ZNF609: variants seen among roughly 807,000 people sequenced by gnomAD.
ZNF609 encodes zinc finger protein 609.
Under a neutral mutation model 109.5 loss-of-function variants are expected in ZNF609, and 11 were observed. The observed-to-expected ratio is 0.10, with a 90% CI of 0.06 to 0.17. ZNF609 has a LOEUF of 0.17. Among genes scored for constraint, ZNF609 ranks in the 10% least tolerant of loss-of-function variants. ZNF609 has a pLI of 1.00. For missense variants in ZNF609, 1,559 were observed against 1,772.4 expected, an observed-to-expected ratio of 0.88 and a Z score of 2.16; for synonymous variants, 646 against 662.0, an observed-to-expected ratio of 0.98 and a Z score of 0.37.
chr15:64,629,728 C>T (rs982332334), intron 3 of ZNF609, among the ~76,000 whole-genome samples: 29 of 152,248 alleles, frequency 1.9e-4, no homozygotes, highest in Non-Finnish European at 3.4e-4. Flanking sequence ...TACTTCCCCG[C>T]ACAAAATAGG....
intron 2 of ZNF609, among the ~76,000 whole-genome samples, chr15:64,573,415 C>T (rs967264172): frequency 2.0e-4 from 24 of 119,350 alleles, no homozygotes; most frequent in African/African-American, 6.6e-4. Flanking sequence ...AGTGCAGTGG[C>T]GCAATCTTGG....
At chr15:64,550,697 G>C (rs1304687072) in intron 2 of ZNF609, among the ~76,000 whole-genome samples, 1 of 152,038 alleles carries the variant, frequency 6.6e-6, no homozygotes, top group Non-Finnish European at 1.5e-5. Flanking sequence ...TTAGCTGGGT[G>C]TGGTGGCACA....
At position 64,674,204 on chromosome 15, in the gene ZNF609, G is replaced by T; in HGVS notation, c.1350G>T (p.Leu450=). Residue 450 remains leucine (L), a synonymous_variant, in exon 5 of 10, where the codon CTG becomes CTT. Transcript: ENST00000326648. ...ACAAACCCCTTTCAGACATGGAGCT[G>T]AATTCTAGCTCAGAGGACTCCAAAG... is the stretch of plus-strand genomic sequence containing the variant. ...RKNKPLSDME[L]NSSSEDSKGS... The T allele has an allele frequency of 6.2e-7, 1 of 1,614,180 alleles. No individual in the cohort carries two copies. Among genetic ancestry groups the T allele is most frequent in the Non-Finnish European group, 8.5e-7 (1 of 1,180,032 alleles).
At chr15:64,470,762 C>A (rs572358605) in intron 1 of ZNF609, among the ~76,000 whole-genome samples, 31 of 152,226 alleles carry the variant, frequency 2.0e-4, no homozygotes, top group African/African-American at 7.5e-4. Flanking sequence ...CCTCATGATC[C>A]ACCCGCCTTG....
At chr15:64,510,025 A>C (rs1893697495) in intron 2 of ZNF609, among the ~76,000 whole-genome samples, 1 of 152,230 alleles carries the variant, frequency 6.6e-6, no homozygotes, top group Non-Finnish European at 1.5e-5. Flanking sequence ...AATTCCAGAG[A>C]TAAATAAATC....
chr15:64,491,110 C>T (rs1893406757), intron 1 of ZNF609, among the ~76,000 whole-genome samples: 1 of 152,144 alleles, frequency 6.6e-6, no homozygotes, highest in African/African-American at 2.4e-5. Flanking sequence ...GAGGAGATGA[C>T]ACAGTTCCTT....
chr15:64,583,840 T>C (rs920683725), intron 2 of ZNF609, among the ~76,000 whole-genome samples: 1 of 152,168 alleles, frequency 6.6e-6, no homozygotes, highest in Non-Finnish European at 1.5e-5. Flanking sequence ...AACCCTACGC[T>C]CTTTTCAGAG....
At chr15:64,518,193 G>A (rs1468383755) in intron 2 of ZNF609, among the ~76,000 whole-genome samples, 2 of 152,200 alleles carry the variant, frequency 1.3e-5, no homozygotes, top group Admixed American at 1.3e-4. Flanking sequence ...CCAGAGTATA[G>A]TGTAGGATCA....
At chr15:64,616,927 G>T (rs1178945693) in intron 2 of ZNF609, among the ~76,000 whole-genome samples, 12 of 140,848 alleles carry the variant, frequency 8.5e-5, no homozygotes, top group African/African-American at 2.9e-4. Flanking sequence ...TCATGCCTCA[G>T]TCTCCCAAGT....
At chr15:64,570,918 C>T (rs892518203) in intron 2 of ZNF609, among the ~76,000 whole-genome samples, 5 of 151,970 alleles carry the variant, frequency 3.3e-5, no homozygotes, top group African/African-American at 7.3e-5. Context: ...CCCAGCTACT[C>T]GGGAGGCTGA....
At chr15:64,492,793 G>A (rs942608360) in intron 1 of ZNF609, among the ~76,000 whole-genome samples, 3 of 152,172 alleles carry the variant, frequency 2.0e-5, no homozygotes, top group Admixed American at 1.3e-4. Flanking sequence ...CTTAGCTAGT[G>A]TCAATGGAAA....
intron 1 of ZNF609, among the ~76,000 whole-genome samples, chr15:64,477,634 T>TC (rs1197110886): frequency 6.6e-6 from 1 of 151,004 alleles, no homozygotes; most frequent in East Asian, 1.9e-4. Flanking sequence ...TTTTTTTTTT[T>TC]TTTCTTTTTT....
chr15:64,674,202 C>G lies in ZNF609; in HGVS notation c.1348C>G (p.Leu450Val). 1 of 1,614,190 alleles carries G rather than the reference C, an allele frequency of 6.2e-7. No individual in the cohort carries two copies. The highest frequency in any genetic ancestry group is 8.5e-7 in the Non-Finnish European group (1 of 1,180,030). Reference sequence around the variant, plus strand: ...AAACAAACCCCTTTCAGACATGGAGCTGAATTCTAGCTCAGAGGACTCCAA... The same window carrying G: ...AAACAAACCCCTTTCAGACATGGAGGTGAATTCTAGCTCAGAGGACTCCAA... ...RKNKPLSDME[L>V]NSSSEDSKGS... Residue 450 changes from leucine (L) to valine (V), a missense_variant, in exon 5 of 10, where the codon CTG becomes GTG. This residue lies in a region of ZNF609 where 1,204 missense variants were observed against 1,314.1 expected (regional missense o/e 0.92). Coordinates refer to ENST00000326648, the MANE Select transcript of ZNF609 (RefSeq NM_015042.2).
At chr15:64,566,316 C>G (rs139298565) in intron 2 of ZNF609, among the ~76,000 whole-genome samples, 1 of 152,148 alleles carries the variant, frequency 6.6e-6, no homozygotes, top group Non-Finnish European at 1.5e-5. Context: ...GGCCACAGAT[C>G]GAGACCTTGT....
At chr15:64,564,654 T>G (rs1037558676) in intron 2 of ZNF609, among the ~76,000 whole-genome samples, 2 of 152,062 alleles carry the variant, frequency 1.3e-5, no homozygotes, top group African/African-American at 4.8e-5. Flanking sequence ...AGAATCTGTA[T>G]GTTCCTCTGG....
chr15:64,597,011 G>A (rs1233773749), intron 2 of ZNF609, among the ~76,000 whole-genome samples: 2 of 152,054 alleles, frequency 1.3e-5, no homozygotes, highest in East Asian at 3.9e-4. Flanking sequence ...GTTGTGCCTT[G>A]TTTTTTCTCT....
chr15:64,465,136 T>G (rs765476928), intron 1 of ZNF609, among the ~76,000 whole-genome samples: 19 of 152,164 alleles, frequency 1.2e-4, no homozygotes, highest in Non-Finnish European at 2.8e-4. Context: ...GTGTTTCTAG[T>G]ACTTGTTTAT....
At chr15:64,522,622 G>A (rs1454294410) in intron 2 of ZNF609, among the ~76,000 whole-genome samples, 1 of 152,164 alleles carries the variant, frequency 6.6e-6, no homozygotes, top group East Asian at 1.9e-4. Context: ...ATGGTGGTGA[G>A]TATGTAGGGA....
At position 64,592,983 on chromosome 15, in the gene ZNF609, C is replaced by T. The variant is rs1895327005; in HGVS notation, c.748-29844C>T. On this transcript the variant is annotated intron_variant, in intron 2 of 9. Coordinates refer to ENST00000326648, the MANE Select transcript of ZNF609 (RefSeq NM_015042.2). Reference sequence around the variant, plus strand: ...TCTCCGGTCCGTGCCTCCAAGATGACAAAGAAAAGAAGGAACAATGGTCGT... The same window carrying T: ...TCTCCGGTCCGTGCCTCCAAGATGATAAAGAAAAGAAGGAACAATGGTCGT... 2.2e-6 allele frequency: 3 copies of T among 1,388,852 alleles called. No individual in the cohort carries two copies. In the South Asian group the frequency reaches 3.5e-5, roughly 16 times the overall value. The allele number at this position is 1,388,852 out of a possible 1,614,324, so 86.0% of individuals were successfully genotyped here.
Sources: allele counts gnomAD v4.1 joint callset (sites outside exome capture counted in the v4.1 genomes callset), GRCh38; gene constraint gnomAD v4.1.1; regional missense constraint gnomAD v4.1.1; transcripts MANE v1.5; gene names NCBI Gene and HGNC (gene_info 2026-07-23, HGNC 2026-07-21).